Variants in TAF15 observed in about 807,000 individuals in gnomAD.
TAF15 encodes the protein TATA-box binding protein associated factor 15.
A neutral mutation model predicts 102.5 loss-of-function variants in TAF15; 37 were observed. The ratio of observed to expected loss-of-function variants is 0.36; its 90% CI spans 0.28 to 0.47. TAF15 has a LOEUF of 0.47. Ranked by LOEUF, TAF15 falls within the 20% of genes least tolerant of loss-of-function variation. The probability of loss-of-function intolerance (pLI) is 0.99; values close to 1 mark genes in which losing one functional copy is unlikely to be tolerated. For synonymous variants in TAF15, 273 were observed against 259.2 expected (o/e 1.05, Z -0.51); for missense variants, 652 against 760.7 (o/e 0.86, Z 1.68).
chr17:35,809,713 C>T lies in TAF15; in HGVS notation c.7+137C>T, dbSNP rs1186815355. On this transcript the variant is annotated intron_variant, in intron 1 of 15. Coordinates refer to ENST00000605844, the MANE Select transcript of TAF15 (RefSeq NM_139215.3). ...GCTTGGGGTGGGGGGGCGGCCGCTG[C>T]CGCCGCCATGTTGAACTGGAGGCAC... 4 of 1,221,918 alleles carry T rather than the reference C, an allele frequency of 3.3e-6. No individual in the cohort carries two copies. In the Admixed American group the frequency reaches 6.1e-5, roughly 19 times the overall value. 75.7% of individuals were successfully genotyped at this position (1,221,918 alleles called of 1,614,324 possible). A position where few individuals can be genotyped will look rare whatever the true frequency, so the allele number is the denominator to read the frequency against.
chr17:35,814,321 A>G (rs1162213289), intron 1 of TAF15, among the ~76,000 whole-genome samples: 15 of 151,938 alleles, frequency 9.9e-5, no homozygotes, highest in Non-Finnish European at 4.4e-5. Flanking sequence ...GCCCACCACC[A>G]CCACGTCCGG....
intron 8 of TAF15, 122 bp downstream of exon 8, chr17:35,834,063 T>A: frequency 1.2e-6 from 1 of 834,218 alleles, no homozygotes; most frequent in South Asian, 1.9e-5. Flanking sequence ...GTGTGTTGTG[T>A]GCTTTAAAAA....
Position 35,844,488 on chromosome 17 carries a change from A to G in TAF15, c.1189A>G (p.Arg397Gly). The G allele has an allele frequency of 6.2e-7, 1 of 1,612,834 alleles. No homozygotes were observed. The highest frequency in any genetic ancestry group is 8.5e-7 in the Non-Finnish European group (1 of 1,179,534). ...TTTCTACCTTGCAGATTTCCGGGGG[A>G]GAGGCTACGGTGGAGAGAGGGGCTA... Reference protein sequence around the residue: ...SRPSGGDFRGRGYGGERGYRG... With the variant: ...SRPSGGDFRGGGYGGERGYRG... The change falls in exon 15 of 16, where the codon AGA (arginine) becomes GGA (glycine). Residue 397 changes from arginine to glycine, a missense_variant. Around this residue, in one of 3 missense-constraint regions of TAF15, gnomAD observed 368 missense variants for 367.5 expected, o/e 1.00. Transcript: ENST00000605844.
At chr17:35,823,673 C>G in intron 6 of TAF15, 1 of 262,318 alleles carries the variant, frequency 3.8e-6, no homozygotes, top group South Asian at 4.0e-5. Flanking sequence ...TCAGTGCACT[C>G]CAGCCTGGGC....
chr17:35,818,145 G>C (rs1326567407), intron 2 of TAF15, among the ~76,000 whole-genome samples: 3 of 152,134 alleles, frequency 2.0e-5, no homozygotes, highest in Admixed American at 6.5e-5. Context: ...GCCCAGGCTG[G>C]AGTGCAGTGG....
intron 11 of TAF15, among the ~76,000 whole-genome samples, chr17:35,840,727 G>T (rs988092216): frequency 6.6e-6 from 1 of 151,978 alleles, no homozygotes; most frequent in Admixed American, 6.6e-5. Flanking sequence ...AGCCAGGCGC[G>T]GTGGTGAGCA....
At position 35,822,678 on chromosome 17, in the gene TAF15, A is replaced by G. The variant is rs200841311; in HGVS notation, c.329A>G (p.Tyr110Cys). ...GCACCTTCCTATGACCAGCCAGACT[A>G]TGGTCAACAAGATTCATATGACCAG... ...GRAPSYDQPD[Y>C]GQQDSYDQQS... Residue 110 changes from tyrosine (Y) to cysteine (C), a missense_variant, in exon 6 of 16, where the codon TAT (tyrosine) becomes TGT (cysteine). Coordinates refer to ENST00000605844, the MANE Select transcript of TAF15 (RefSeq NM_139215.3). 51 of 1,614,006 alleles carry G rather than the reference A, an allele frequency of 3.2e-5. No individual in the cohort carries two copies. The highest frequency in any genetic ancestry group is 2.2e-4 in the Admixed American group (13 of 60,002).
At chr17:35,822,187 C>G (rs2087268450) in intron 5 of TAF15, among the ~76,000 whole-genome samples, 1 of 151,808 alleles carries the variant, frequency 6.6e-6, no homozygotes. Context: ...ACTAAAAATA[C>G]AAAATTAGCC....
chr17:35,844,537 G>GAT lies in TAF15; in HGVS notation c.1239_1240insTA (p.Asp414Ter), dbSNP rs1347338355. ...TACAGAGGTCGTGGGGGCAGAGGTG[G>GAT]AGACCGAGGCGGCTATGGTGGAGAC... On this transcript the variant is annotated frameshift_variant, in exon 15 of 16. Coordinates refer to ENST00000605844, the MANE Select transcript of TAF15 (RefSeq NM_139215.3). LOFTEE classifies it high-confidence loss of function. 1 of 1,610,892 alleles carries GAT rather than the reference G, an allele frequency of 6.2e-7. No homozygotes were observed. Among genetic ancestry groups the GAT allele is most frequent in the African/African-American group, 1.3e-5 (1 of 74,816 alleles).
intron 1 of TAF15, among the ~76,000 whole-genome samples, chr17:35,813,538 A>C (rs1249734210): frequency 1.3e-5 from 2 of 151,968 alleles, no homozygotes; most frequent in African/African-American, 4.8e-5. Context: ...CGGGAGGTTG[A>C]AGTGGGAGGA....
chr17:35,822,509 CCATGAGAAGGTAGT>C, intron 5 of TAF15, 117 bp from the exon 6 acceptor site: 1 of 796,250 alleles, frequency 1.3e-6, no homozygotes. Context: ...TAACTAATTA[CCATGAGAAGGTAGT>C]CATAAATATG....
At chr17:35,823,083 T>C (rs1162653294) in intron 6 of TAF15, among the ~76,000 whole-genome samples, 1 of 152,222 alleles carries the variant, frequency 6.6e-6, no homozygotes, top group Non-Finnish European at 1.5e-5. Flanking sequence ...TGAACTCTGA[T>C]CCTTGACAAT....
rs567452224 is a variant in TAF15, at chr17:35,820,145, G to GT, written c.100-18dup. The GT allele has an allele frequency of 2.0e-4, 322 of 1,613,918 alleles. 1 individual carries two copies. The African/African-American group carries it at 3.6e-3, about 18-fold the overall frequency. ...ATCTTAAGTAGGTGATGAAACTTGA[G>GT]TATTTACCTAAATTTCAGAGCTATT... On this transcript the variant is annotated intron_variant, in intron 3 of 15. Transcript: ENST00000605844.
intron 2 of TAF15, chr17:35,818,348 T>C (rs4251729): frequency 0.11 from 16,390 of 153,340 alleles, 992 homozygotes; most frequent in East Asian, 0.21. Flanking sequence ...CCCGCCTCAG[T>C]CTCCCAAAGT....
rs758258676 is a variant in TAF15 at position 35,838,557 on chromosome 17, T to C, written c.913+4T>C. The C allele has an allele frequency of 1.2e-6, 2 of 1,614,132 alleles. No individual in the cohort carries two copies. The highest frequency in any genetic ancestry group is 8.5e-7 in the Non-Finnish European group (1 of 1,180,040). On this transcript the variant is annotated splice_donor_region_variant and intron_variant, in intron 11 of 15. Coordinates refer to ENST00000605844, the MANE Select transcript of TAF15 (RefSeq NM_139215.3). ...GCAGCCATTGACTGGTTTGATGGTATGCCTCATTCGTATAGTTTTCAGCAT... is the reference window on the plus strand; with the variant it reads ...GCAGCCATTGACTGGTTTGATGGTACGCCTCATTCGTATAGTTTTCAGCAT...
At chr17:35,815,802 T>G (rs928473560) in intron 1 of TAF15, among the ~76,000 whole-genome samples, 60 of 152,328 alleles carry the variant, frequency 3.9e-4, no homozygotes, top group African/African-American at 1.4e-3. Context: ...CTAATTAGAT[T>G]GTGTATTCTT....
chr17:35,809,730 T>G (rs1259417055), intron 1 of TAF15, 154 bp downstream of exon 1: 2 of 1,017,654 alleles, frequency 2.0e-6, no homozygotes, highest in Non-Finnish European at 3.0e-6. Context: ...CATGTTGAAC[T>G]GGAGGCACGC....
In TAF15 at chr17:35,836,091, C is replaced by T. The variant is rs778371955; in HGVS notation, c.674-41C>T. 2.2e-6 allele frequency: 3 copies of T among 1,349,334 alleles called. No individual in the cohort carries two copies. The South Asian group carries it at 3.5e-5, about 16-fold the overall frequency. The allele number at this position is 1,349,334 out of a possible 1,614,324, so 83.6% of individuals were successfully genotyped here. A position where few individuals can be genotyped will look rare whatever the true frequency, so the allele number is the denominator to read the frequency against. ...TGATTACTGAACAGAATGTCATAACCAAGGAATATGTAAAATTAACCATCA... is the reference window on the plus strand; with the variant it reads ...TGATTACTGAACAGAATGTCATAACTAAGGAATATGTAAAATTAACCATCA... On this transcript the variant is annotated intron_variant, in intron 9 of 15. Transcript: ENST00000605844.
chr17:35,829,187 C>A (rs1383862114), intron 7 of TAF15, among the ~76,000 whole-genome samples: 1 of 152,108 alleles, frequency 6.6e-6, no homozygotes, highest in Non-Finnish European at 1.5e-5. Context: ...TTAAGCTAAC[C>A]TTTCTCCATT....
Sources: gnomAD v4.1 joint callset for allele counts (sites outside exome capture counted in the v4.1 genomes callset) on GRCh38, gnomAD v4.1.1 for gene constraint, gnomAD v4.1.1 regional missense constraint, MANE v1.5 for transcripts, NCBI Gene and HGNC (gene_info 2026-07-23, HGNC 2026-07-21) for gene names.